Variants in AMBRA1 observed in about 807,000 individuals in gnomAD.
AMBRA1 encodes activating molecule in BECN1-regulated autophagy protein 1.
In AMBRA1, 47 loss-of-function variants were observed where a neutral mutation model predicts 125.4. The observed-to-expected ratio is 0.37, with a 90% CI of 0.30 to 0.48. The LOEUF is 0.48. Ranked by LOEUF, AMBRA1 falls within the 20% of genes least tolerant of loss-of-function variation. AMBRA1 has a pLI of 0.99. For missense variants in AMBRA1, 1,331 were observed against 1,693.4 expected (o/e 0.79, Z 3.76); for synonymous variants, 626 against 655.5 (o/e 0.95, Z 0.69).
Position 46,397,110 on chromosome 11 carries a change from T to G in AMBRA1, c.*340A>C, listed in dbSNP as rs1471574358. On this transcript the variant is annotated 3_prime_UTR_variant, in exon 18 of 18. Coordinates refer to ENST00000683756, the MANE Select transcript of AMBRA1 (RefSeq NM_001387011.1). ...CCCAGATCTGGAAGACTGTTCACTC[T>G]CTGGAGGCTCTCTGTCCAGGGCTGA... 4.8e-6 allele frequency: 1 copy of G among 207,432 alleles called. No individual in the cohort carries two copies. The highest frequency in any genetic ancestry group is 2.3e-5 in the African/African-American group (1 of 43,568). The allele number at this position is 207,432 out of a possible 1,614,324, so 12.8% of individuals were successfully genotyped here. A position where few individuals can be genotyped will look rare whatever the true frequency, so the allele number is the denominator to read the frequency against.
At chr11:46,505,594 C>A (rs937604920) in intron 9 of AMBRA1, among the ~76,000 whole-genome samples, 6 of 151,584 alleles carry the variant, frequency 4.0e-5, no homozygotes, top group African/African-American at 1.2e-4. Flanking sequence ...CAATATAAGA[C>A]CCCCTGAGAA....
chr11:46,485,430 A>C (rs924525484), intron 11 of AMBRA1, among the ~76,000 whole-genome samples: 5 of 152,204 alleles, frequency 3.3e-5, no homozygotes, highest in African/African-American at 1.2e-4. Flanking sequence ...CCTTGATCCA[A>C]GCCCAGGCTT....
At chr11:46,468,316 G>T (rs1302217568) in intron 11 of AMBRA1, among the ~76,000 whole-genome samples, 1 of 152,006 alleles carries the variant, frequency 6.6e-6, no homozygotes, top group Non-Finnish European at 1.5e-5. Context: ...AAGGCAGGAG[G>T]ATGGCTTGAG....
chr11:46,408,597 G>A lies in AMBRA1; in HGVS notation c.3319C>T (p.Leu1107=), dbSNP rs1444451793. ...TCGGCATTCTGCAGCTGAAGGGCCA[G>A]AGTCTGGGTGCCCTGAGATGTCACT... ...TSVTSQGTQT[L]ALQLQNAETQ... is the part of the protein sequence containing the mutation. Residue 1107 remains leucine (L), a synonymous_variant, in exon 17 of 18, where the codon CTG becomes TTG. Coordinates refer to ENST00000683756, the MANE Select transcript of AMBRA1 (RefSeq NM_001387011.1). The A allele has an allele frequency of 6.2e-7, 1 of 1,609,790 alleles. No individual in the cohort carries two copies. The highest frequency in any genetic ancestry group is 8.5e-7 in the Non-Finnish European group (1 of 1,177,270).
intron 11 of AMBRA1, among the ~76,000 whole-genome samples, chr11:46,467,769 C>T (rs756050115): frequency 3.9e-5 from 6 of 152,184 alleles, no homozygotes; most frequent in East Asian, 1.9e-4. Flanking sequence ...CCTGACCTCA[C>T]GTGATCCTCC....
Position 46,512,801 on chromosome 11 carries a change from T to G in AMBRA1, c.2085A>C (p.Glu695Asp). The change falls in exon 8 of 18, where the codon GAA becomes GAC. Residue 695 changes from glutamate to aspartate, a missense_variant. Glu to Asp is a conservative substitution (Grantham distance 45, BLOSUM62 2). This residue lies in a region of AMBRA1 where 689 missense variants were observed against 776.5 expected (regional missense o/e 0.89). Transcript: ENST00000683756. ...EEDSLRRRLLESSLISLSRYD... is the reference protein window; with the variant it reads ...EEDSLRRRLLDSSLISLSRYD... ...AACGGGATAATGAAATGAGGGAAGA[T>G]TCCAGCAGCCTCCTAGCAGAGATTA... The G allele has an allele frequency of 1.2e-6, 2 of 1,612,938 alleles. No homozygotes were observed. The highest frequency in any genetic ancestry group is 1.7e-5 in the Admixed American group (1 of 59,874).
chr11:46,477,739 C>T (rs982111263), intron 11 of AMBRA1, among the ~76,000 whole-genome samples: 19 of 152,070 alleles, frequency 1.2e-4, no homozygotes, highest in African/African-American at 4.3e-4. Context: ...AGCCCATCAG[C>T]GACTGAGGTG....
At chr11:46,545,829 G>A (rs995247985) in intron 4 of AMBRA1, 53 bp from the exon 5 acceptor site, 3 of 1,572,870 alleles carry the variant, frequency 1.9e-6, no homozygotes, top group Non-Finnish European at 1.7e-6. Context: ...CCAGCACACT[G>A]GGAAGTCAAT....
intron 1 of AMBRA1, among the ~76,000 whole-genome samples, chr11:46,553,802 GCA>G (rs1022352572): frequency 3.3e-5 from 5 of 151,706 alleles, no homozygotes; most frequent in South Asian, 2.1e-4. Context: ...GTCCTACACA[GCA>G]CAGAGTTACC....
At chr11:46,480,038 C>T (rs1949996512) in intron 11 of AMBRA1, among the ~76,000 whole-genome samples, 1 of 152,066 alleles carries the variant, frequency 6.6e-6, no homozygotes, top group South Asian at 2.1e-4. Flanking sequence ...ACTGAGGTTC[C>T]CACTCGCTGC....
intron 17 of AMBRA1, among the ~76,000 whole-genome samples, chr11:46,408,039 G>A (rs748897222): frequency 3.3e-5 from 5 of 152,218 alleles, no homozygotes; most frequent in Non-Finnish European, 7.3e-5. Context: ...GGAAGGGGCT[G>A]ATGATAGGCC....
At chr11:46,456,294 C>G (rs1479659499) in intron 11 of AMBRA1, among the ~76,000 whole-genome samples, 1 of 152,230 alleles carries the variant, frequency 6.6e-6, no homozygotes, top group East Asian at 1.9e-4. Flanking sequence ...GCCTCTACCT[C>G]TGACAAAAGA....
At chr11:46,399,544 T>C (rs1177816880) in intron 17 of AMBRA1, among the ~76,000 whole-genome samples, 1 of 152,094 alleles carries the variant, frequency 6.6e-6, no homozygotes, top group Non-Finnish European at 1.5e-5. Flanking sequence ...TTTGTATTTT[T>C]AGTAGAGATG....
intron 1 of AMBRA1, among the ~76,000 whole-genome samples, chr11:46,581,608 AAAATAAAT>A (rs919252799): frequency 6.6e-6 from 1 of 151,904 alleles, no homozygotes; most frequent in Non-Finnish European, 1.5e-5. Context: ...TTCCTCTCAA[AAAATAAAT>A]AAATAAATAC....
intron 14 of AMBRA1, among the ~76,000 whole-genome samples, chr11:46,432,612 T>C (rs1384313453): frequency 6.6e-6 from 1 of 152,284 alleles, no homozygotes; most frequent in Non-Finnish European, 1.5e-5. Context: ...ACCTGAGGGA[T>C]ATCCCTCTAA....
chr11:46,441,452 T>G (rs538837219), intron 12 of AMBRA1, among the ~76,000 whole-genome samples: 1 of 151,862 alleles, frequency 6.6e-6, no homozygotes, highest in South Asian at 2.1e-4. Context: ...GGTGCGGAGA[T>G]TGCAGTACAC....
Position 46,543,104 on chromosome 11 carries a change from G to A in AMBRA1, c.913C>T (p.Leu305Phe). 6.3e-7 allele frequency: 1 copy of A among 1,582,260 alleles called. No individual in the cohort carries two copies. The highest frequency in any genetic ancestry group is 8.5e-7 in the Non-Finnish European group (1 of 1,170,974). The change falls in exon 7 of 18, where the codon CTT becomes TTT. Residue 305 changes from leucine (L) to phenylalanine (F), a missense_variant. Leu to Phe is a conservative substitution (Grantham distance 22, BLOSUM62 0). Coordinates refer to ENST00000683756, the MANE Select transcript of AMBRA1 (RefSeq NM_001387011.1). ...CGGCTGCAAAGGCACAGGATCCCAAGGTGCTGGCAGCACTCAGCTGTGGGG... is the reference window on the plus strand; with the variant it reads ...CGGCTGCAAAGGCACAGGATCCCAAAGTGCTGGCAGCACTCAGCTGTGGGG... ...SYPTAECCQH[L>F]GILCLCSRCS...
chr11:46,579,640 T>C (rs966901715), intron 1 of AMBRA1, among the ~76,000 whole-genome samples: 1 of 152,114 alleles, frequency 6.6e-6, no homozygotes, highest in Non-Finnish European at 1.5e-5. Flanking sequence ...ATACAAAAAA[T>C]GGAAAGGTAC....
intron 5 of AMBRA1, among the ~76,000 whole-genome samples, chr11:46,544,812 C>G (rs999658253): frequency 3.3e-5 from 5 of 152,082 alleles, no homozygotes; most frequent in Non-Finnish European, 5.9e-5. Context: ...GCTGATTAGT[C>G]AGCTGCTTAG....
Sources: gnomAD v4.1 joint callset for allele counts (sites outside exome capture counted in the v4.1 genomes callset) on GRCh38, gnomAD v4.1.1 for gene constraint, gnomAD v4.1.1 regional missense constraint, MANE v1.5 for transcripts, NCBI Gene and HGNC (gene_info 2026-07-23, HGNC 2026-07-21) for gene names.